DGKB: variants seen among roughly 807,000 people sequenced by gnomAD.
DGKB encodes the protein 90 kDa diacylglycerol kinase.
Under a neutral mutation model 114.3 loss-of-function variants are expected in DGKB, and 67 were observed. That is an observed-to-expected ratio of 0.59 (90% confidence interval 0.48 to 0.72). The LOEUF (loss-of-function observed/expected upper bound fraction) is 0.72, where lower values mean the gene tolerates loss of function less well. Among genes scored for constraint, DGKB ranks in the 30% least tolerant of loss-of-function variants. The pLI, the probability that DGKB is intolerant of heterozygous loss-of-function variation, is 0.00. For missense variants in DGKB, 907 were observed against 975.2 expected, an observed-to-expected ratio of 0.93 and a Z score of 0.93; for synonymous variants, 398 against 323.1, an observed-to-expected ratio of 1.23 and a Z score of -2.49.
intron 21 of DGKB, among the ~76,000 whole-genome samples, chr7:14,412,793 C>G (rs1825104812): frequency 6.6e-6 from 1 of 151,908 alleles, no homozygotes; most frequent in Non-Finnish European, 1.5e-5. Context: ...ACCAGCCTGG[C>G]CAACACAGCA....
At chr7:14,628,785 T>C (rs951351700) in intron 14 of DGKB, among the ~76,000 whole-genome samples, 1 of 152,022 alleles carries the variant, frequency 6.6e-6, no homozygotes, top group Non-Finnish European at 1.5e-5. Flanking sequence ...CTTAAGGAAA[T>C]TTTTGGAACA....
At chr7:14,758,335 G>A (rs1276774724) in intron 2 of DGKB, among the ~76,000 whole-genome samples, 2 of 151,770 alleles carry the variant, frequency 1.3e-5, no homozygotes, top group African/African-American at 2.4e-5. Flanking sequence ...ATAAAATAAT[G>A]TCATAAAAGA....
At chr7:14,779,171 A>T (rs1784008222) in intron 2 of DGKB, among the ~76,000 whole-genome samples, 1 of 152,120 alleles carries the variant, frequency 6.6e-6, no homozygotes, top group Admixed American at 6.5e-5. Flanking sequence ...TAAATAAATA[A>T]AATATGAAAA....
intron 20 of DGKB, among the ~76,000 whole-genome samples, chr7:14,495,116 T>C (rs139734536): frequency 1.2e-3 from 184 of 152,006 alleles, no homozygotes; most frequent in Admixed American, 5.6e-3. Context: ...TCTCTAGATG[T>C]AGTCCCCACT....
intron 23 of DGKB, among the ~76,000 whole-genome samples, chr7:14,188,378 T>TACATTCAATCCAAAAAATTCTCTCTGA (rs1584338615): frequency 2.0e-5 from 3 of 149,710 alleles, no homozygotes; most frequent in African/African-American, 2.4e-5. Context: ...GATCCCCAAT[T>TACATTCAATCCAAAAAATTCTCTCTGA]GGCCGGGCGC....
chr7:14,823,276 C>T (rs1845200534), intron 2 of DGKB, among the ~76,000 whole-genome samples: 1 of 151,768 alleles, frequency 6.6e-6, no homozygotes, highest in Non-Finnish European at 1.5e-5. Context: ...ATTTTTAAGA[C>T]CTATTTCTGC....
rs1481455567 is a variant in DGKB at position 14,146,856 on chromosome 7, A to AATCTT, written c.*2270_*2274dup. ...TGCATCCCATTATTTCAATCATTGA[A>AATCTT]ATCTTATAAGCAGGTTGTTTAATTT... On this transcript the variant is annotated 3_prime_UTR_variant, in exon 26 of 26. Coordinates refer to ENST00000402815, the MANE Select transcript of DGKB (RefSeq NM_001350709.2). 1.3e-5 allele frequency: 2 copies of AATCTT among 152,104 alleles called. No homozygotes were observed. The highest frequency in any genetic ancestry group is 2.4e-5 in the African/African-American group (1 of 41,448). The allele number at this position is 152,104 out of a possible 1,614,324, so 9.4% of individuals were successfully genotyped here.
intron 24 of DGKB, among the ~76,000 whole-genome samples, chr7:14,177,140 C>T (rs1373028013): frequency 6.6e-6 from 1 of 151,892 alleles, no homozygotes; most frequent in Admixed American, 6.6e-5. Context: ...ATTCTGGATG[C>T]CAAAAGAAAA....
At chr7:14,290,509 G>C (rs73281272) in intron 23 of DGKB, among the ~76,000 whole-genome samples, 5,754 of 152,154 alleles carry the variant, frequency 0.038, 346 homozygotes, top group African/African-American at 0.13. Flanking sequence ...CATCAAAGCT[G>C]AGTTGTCAAT....
chr7:14,173,077 T>C (rs998488023), intron 25 of DGKB, among the ~76,000 whole-genome samples: 1 of 152,198 alleles, frequency 6.6e-6, no homozygotes, highest in Admixed American at 6.5e-5. Flanking sequence ...TCACAAGCAA[T>C]AGTTATATGG....
intron 21 of DGKB, among the ~76,000 whole-genome samples, chr7:14,362,828 C>T (rs770811868): frequency 6.6e-6 from 1 of 152,068 alleles, no homozygotes; most frequent in Non-Finnish European, 1.5e-5. Context: ...GGCACGAGTT[C>T]TTCCCATTCC....
In DGKB at chr7:14,148,568, G is replaced by A. The variant is rs1210489464; in HGVS notation, c.*563C>T. ...CTGATATTTTTATTTCCACTCAGAA[G>A]AGTTAAGATGTTGAAGAAAAACTAT... is the stretch of plus-strand genomic sequence containing the variant. On this transcript the variant is annotated 3_prime_UTR_variant, in exon 26 of 26. Coordinates refer to ENST00000402815, the MANE Select transcript of DGKB (RefSeq NM_001350709.2). 1.3e-5 allele frequency: 2 copies of A among 152,370 alleles called. No individual in the cohort carries two copies. The highest frequency in any genetic ancestry group is 4.8e-5 in the African/African-American group (2 of 41,440). The allele number at this position is 152,370 out of a possible 1,614,324, so 9.4% of individuals were successfully genotyped here.
intron 2 of DGKB, among the ~76,000 whole-genome samples, chr7:14,836,542 G>A (rs750781668): frequency 2.2e-4 from 34 of 152,152 alleles, no homozygotes; most frequent in South Asian, 2.1e-4. Flanking sequence ...TTGCTGTGAC[G>A]TGGAACCACA....
chr7:14,780,892 G>C (rs1027427423), intron 2 of DGKB, among the ~76,000 whole-genome samples: 1 of 152,030 alleles, frequency 6.6e-6, no homozygotes, highest in Non-Finnish European at 1.5e-5. Context: ...CTTTTTTTAT[G>C]ATGTAGCTCT....
chr7:14,757,606 C>G (rs747524319), intron 3 of DGKB, 49 bp downstream of exon 3: 1 of 1,058,560 alleles, frequency 9.4e-7, no homozygotes, highest in East Asian at 2.4e-5. Context: ...AAGAAATACC[C>G]TCTTCCAAGC....
In DGKB at chr7:14,640,149, T is replaced by C. The variant is rs1811475347; in HGVS notation, c.1135-9881A>G. Among the ~76,000 whole-genome samples the C allele has an allele frequency of 3.3e-5, 5 of 152,240 alleles. No individual in the cohort carries two copies. In the South Asian group the frequency reaches 8.3e-4, roughly 25 times the overall value. On this transcript the variant is annotated intron_variant, in intron 13 of 25. Transcript: ENST00000402815. ...ACCTACTGGACTCAAATCATGATGC[T>C]GTTTAGTACTAAATTACATAAGTGT...
chr7:14,206,534 A>G (rs534009322), intron 23 of DGKB, among the ~76,000 whole-genome samples: 9 of 152,038 alleles, frequency 5.9e-5, no homozygotes, highest in Non-Finnish European at 1.3e-4. Context: ...AAGGCAAGCA[A>G]TACCTGGGCA....
At chr7:14,745,271 C>A (rs1177757606) in intron 4 of DGKB, among the ~76,000 whole-genome samples, 2 of 152,196 alleles carry the variant, frequency 1.3e-5, no homozygotes, top group African/African-American at 4.8e-5. Context: ...CAAACAATGG[C>A]CCCTTTTAAC....
chr7:14,355,178 C>T lies in DGKB; in HGVS notation c.1836-9787G>A, dbSNP rs751731310. ...CTCCCTCTCTCTCTTTCTCCACCAA[C>T]CCCCCATCCTATTTAGTGGTCTTTA... On this transcript the variant is annotated intron_variant, in intron 21 of 25. Transcript: ENST00000402815. Among the ~76,000 whole-genome samples, 20 of 152,048 alleles carry T rather than the reference C, an allele frequency of 1.3e-4. 1 individual carries two copies. Among genetic ancestry groups the T allele is most frequent in the East Asian group, 1.9e-4 (1 of 5,174 alleles).
Sources: gnomAD v4.1 joint callset for allele counts (sites outside exome capture counted in the v4.1 genomes callset) on GRCh38, gnomAD v4.1.1 for gene constraint, MANE v1.5 for transcripts, NCBI Gene and HGNC (gene_info 2026-07-23, HGNC 2026-07-21) for gene names.